Variants in PLCH1 observed in about 807,000 individuals in gnomAD.
PLCH1 encodes the protein phospholipase C eta 1.
Under a neutral mutation model 126.7 loss-of-function variants are expected in PLCH1, and 60 were observed. The observed-to-expected ratio is 0.47, with a 90% CI of 0.38 to 0.59. The LOEUF is 0.59. Among genes scored for constraint, PLCH1 ranks in the 20% least tolerant of loss-of-function variants. The pLI, the probability that PLCH1 is intolerant of heterozygous loss-of-function variation, is 0.00. For synonymous variants in PLCH1, 719 were observed against 734.9 expected, an observed-to-expected ratio of 0.98 and a Z score of 0.35; for missense variants, 1,723 against 2,040.0, an observed-to-expected ratio of 0.84 and a Z score of 2.99.
Position 155,480,924 on chromosome 3 carries a change from C to T in PLCH1, c.*44G>A. ...CTTATTTACTGAAAACTCTGACATTCTACAGAATACCTTGAAAACCTTAAG... is the reference window on the plus strand; with the variant it reads ...CTTATTTACTGAAAACTCTGACATTTTACAGAATACCTTGAAAACCTTAAG... On this transcript the variant is annotated 3_prime_UTR_variant, in exon 23 of 23. Transcript: ENST00000460012. 6.9e-7 allele frequency: 1 copy of T among 1,448,946 alleles called. No individual in the cohort carries two copies. Among genetic ancestry groups the T allele is most frequent in the South Asian group, 1.3e-5 (1 of 74,386 alleles). The allele number at this position is 1,448,946 out of a possible 1,614,324, so 89.8% of individuals were successfully genotyped here.
rs1397018460 is a variant in PLCH1 at position 155,542,864 on chromosome 3, C to T, written c.1362+6923G>A. Among the ~76,000 whole-genome samples the T allele has an allele frequency of 7.9e-5, 12 of 152,146 alleles. No individual in the cohort carries two copies. In the South Asian group the frequency reaches 2.5e-3, roughly 32 times the overall value. Reference sequence around the variant, plus strand: ...AAGGAAAACTAACAAACAGAAAGGACATCCACACCAAAAACCCATCTGTAC... The same window carrying T: ...AAGGAAAACTAACAAACAGAAAGGATATCCACACCAAAAACCCATCTGTAC... On this transcript the variant is annotated intron_variant, in intron 10 of 22. Coordinates refer to ENST00000460012, the MANE Select transcript of PLCH1 (RefSeq NM_014996.4).
intron 1 of PLCH1, among the ~76,000 whole-genome samples, chr3:155,726,812 C>T (rs1430809696): frequency 5.9e-5 from 9 of 151,398 alleles, no homozygotes; most frequent in Non-Finnish European, 1.2e-4. Flanking sequence ...TCTCCTGCCT[C>T]AGCCTCCTGA....
At chr3:155,588,716 G>A (rs1213668587) in intron 4 of PLCH1, among the ~76,000 whole-genome samples, 1 of 152,128 alleles carries the variant, frequency 6.6e-6, no homozygotes, top group Non-Finnish European at 1.5e-5. Flanking sequence ...TATTGGTTTA[G>A]GGAACTGGTA....
At chr3:155,456,532 C>T (rs73011530) in intron 21 of PLCH1, among the ~76,000 whole-genome samples, 1,588 of 152,174 alleles carry the variant, frequency 0.01, 16 homozygotes, top group African/African-American at 0.036. Context: ...GATCCCATGG[C>T]GTTAAGCCTA....
At chr3:155,466,308 G>A (rs1712929667) in intron 21 of PLCH1, among the ~76,000 whole-genome samples, 1 of 152,180 alleles carries the variant, frequency 6.6e-6, no homozygotes. Context: ...AACTCTGTAT[G>A]TCAGAAGAAA....
At chr3:155,452,691 G>A (rs936867152) in intron 21 of PLCH1, among the ~76,000 whole-genome samples, 5 of 152,060 alleles carry the variant, frequency 3.3e-5, no homozygotes, top group Admixed American at 2.0e-4. Flanking sequence ...ATTTTGGGGA[G>A]TCTAATAAAT....
chr3:155,630,457 C>G (rs1665629432), intron 2 of PLCH1, among the ~76,000 whole-genome samples: 1 of 152,200 alleles, frequency 6.6e-6, no homozygotes, highest in Non-Finnish European at 1.5e-5. Context: ...TGGCTGCAAA[C>G]TTATCCAGTC....
intron 2 of PLCH1, among the ~76,000 whole-genome samples, chr3:155,699,550 T>A (rs2109068179): frequency 6.6e-6 from 1 of 152,306 alleles, no homozygotes; most frequent in South Asian, 2.1e-4. Flanking sequence ...AATCTAGTGA[T>A]GCCCCACAAA....
At chr3:155,452,872 A>G (rs1441563559) in intron 21 of PLCH1, among the ~76,000 whole-genome samples, 2 of 152,194 alleles carry the variant, frequency 1.3e-5, no homozygotes, top group Non-Finnish European at 2.9e-5. Context: ...GATTGCTGAA[A>G]ATTAAATGCA....
intron 9 of PLCH1, 81 bp downstream of exon 9, chr3:155,553,995 T>G: frequency 7.4e-7 from 1 of 1,356,664 alleles, no homozygotes; most frequent in Non-Finnish European, 1.0e-6. Flanking sequence ...AGGAAGAGGA[T>G]GTGGTTTTGT....
chr3:155,465,041 G>A (rs1386800641), intron 21 of PLCH1, among the ~76,000 whole-genome samples: 5 of 151,502 alleles, frequency 3.3e-5, no homozygotes, highest in East Asian at 1.9e-4. Context: ...CCTGGGAGGT[G>A]GAGCTTGCAA....
At chr3:155,694,396 G>A (rs891887632) in intron 2 of PLCH1, among the ~76,000 whole-genome samples, 2 of 152,180 alleles carry the variant, frequency 1.3e-5, no homozygotes, top group African/African-American at 4.8e-5. Context: ...TTGATTTAAA[G>A]CATTAATTAC....
chr3:155,523,344 C>A (rs974769721), intron 11 of PLCH1, among the ~76,000 whole-genome samples: 3 of 152,188 alleles, frequency 2.0e-5, no homozygotes, highest in African/African-American at 4.8e-5. Flanking sequence ...AAGTGAGTAA[C>A]AAACTATTCC....
At chr3:155,506,711 CATGGTGTAT>C (rs1265325545) in intron 12 of PLCH1, among the ~76,000 whole-genome samples, 22 of 147,640 alleles carry the variant, frequency 1.5e-4, no homozygotes, top group Admixed American at 4.7e-4. Flanking sequence ...CATAGTATTC[CATGGTGTAT>C]ATGTGCCACA....
At chr3:155,588,507 G>A (rs1221860347) in intron 4 of PLCH1, among the ~76,000 whole-genome samples, 1 of 152,120 alleles carries the variant, frequency 6.6e-6, no homozygotes, top group Admixed American at 6.6e-5. Context: ...GAGTCTGACG[G>A]CAGTAATATT....
intron 2 of PLCH1, among the ~76,000 whole-genome samples, chr3:155,668,989 G>A (rs545881565): frequency 4.1e-4 from 63 of 152,208 alleles, no homozygotes; most frequent in African/African-American, 1.4e-3. Context: ...TGCATAACTG[G>A]GGACATAAAT....
intron 2 of PLCH1, among the ~76,000 whole-genome samples, chr3:155,602,180 G>C (rs545407332): frequency 1.4e-3 from 207 of 152,244 alleles, no homozygotes; most frequent in African/African-American, 4.9e-3. Flanking sequence ...CTGATATGGA[G>C]TAACTTCCAG....
At position 155,591,448 on chromosome 3, in the gene PLCH1, T is replaced by C. The variant is rs550644361; in HGVS notation, c.470+2493A>G. 1.4e-4 allele frequency among the ~76,000 whole-genome samples: 21 copies of C among 152,314 alleles called. No individual in the cohort carries two copies. The South Asian group carries it at 3.9e-3, about 29-fold the overall frequency. On this transcript the variant is annotated intron_variant, in intron 4 of 22. Transcript: ENST00000460012. ...TGTGTGAGGCCAGATTTTCTTCGTGTACTTCAATCAAAACAACGTATCGCA... is the reference window on the plus strand; with the variant it reads ...TGTGTGAGGCCAGATTTTCTTCGTGCACTTCAATCAAAACAACGTATCGCA...
chr3:155,460,291 A>T (rs1164835755), intron 21 of PLCH1, among the ~76,000 whole-genome samples: 1 of 152,148 alleles, frequency 6.6e-6, no homozygotes, highest in African/African-American at 2.4e-5. Context: ...ATTTGCCAAA[A>T]TATGTACTGG....
Sources: allele counts gnomAD v4.1 joint callset (sites outside exome capture counted in the v4.1 genomes callset), GRCh38; gene constraint gnomAD v4.1.1; transcripts MANE v1.5; gene names NCBI Gene and HGNC (gene_info 2026-07-23, HGNC 2026-07-21).